CNTNAP2: variants seen among roughly 807,000 people sequenced by gnomAD.
CNTNAP2 encodes contactin-associated protein-like 2.
A neutral mutation model predicts 155.2 loss-of-function variants in CNTNAP2; 98 were observed. The observed-to-expected ratio is 0.63, with a 90% CI of 0.54 to 0.75. The LOEUF (loss-of-function observed/expected upper bound fraction) is 0.75. Ranked by LOEUF, CNTNAP2 falls within the 30% of genes least tolerant of loss-of-function variation. The pLI, the probability that CNTNAP2 is intolerant of heterozygous loss-of-function variation, is 0.00. For synonymous variants in CNTNAP2, 651 were observed against 631.2 expected (o/e 1.03, Z -0.47); for missense variants, 1,727 against 1,688.1 (o/e 1.02, Z -0.40).
At chr7:146,489,503 T>A (rs1223642497) in intron 1 of CNTNAP2, among the ~76,000 whole-genome samples, 1 of 152,172 alleles carries the variant, frequency 6.6e-6, no homozygotes, top group African/African-American at 2.4e-5. Context: ...TGTGTAACAC[T>A]GATGCAGGAG....
At chr7:146,369,050 T>TATATATATATATATATAC (rs1286983889) in intron 1 of CNTNAP2, among the ~76,000 whole-genome samples, 4 of 139,188 alleles carry the variant, frequency 2.9e-5, no homozygotes, top group African/African-American at 5.4e-5. Flanking sequence ...TATATATATA[T>TATATATATATATATATAC]ACATATATAT....
At chr7:147,659,381 A>C (rs1303160001) in intron 13 of CNTNAP2, among the ~76,000 whole-genome samples, 6 of 152,224 alleles carry the variant, frequency 3.9e-5, no homozygotes, top group Admixed American at 3.3e-4. Flanking sequence ...TTTGAAATTG[A>C]CTGTGAAGAT....
chr7:146,891,012 A>G (rs1795763744), intron 3 of CNTNAP2, among the ~76,000 whole-genome samples: 1 of 152,216 alleles, frequency 6.6e-6, no homozygotes, highest in Admixed American at 6.5e-5. Context: ...GGTGGATTGG[A>G]TAATGAAAAT....
At chr7:147,842,682 G>A (rs558216583) in intron 13 of CNTNAP2, among the ~76,000 whole-genome samples, 18 of 98,074 alleles carry the variant, frequency 1.8e-4, no homozygotes, top group African/African-American at 6.0e-4. Context: ...ATGCTGGTGC[G>A]CTGCACCCAC....
intron 12 of CNTNAP2, among the ~76,000 whole-genome samples, chr7:147,632,058 G>A (rs1321663784): frequency 2.6e-5 from 4 of 152,160 alleles, no homozygotes; most frequent in Non-Finnish European, 5.9e-5. Context: ...CACAGTGGGA[G>A]AAAATCTTTG....
At position 146,352,750 on chromosome 7, in the gene CNTNAP2, G is replaced by GTTTTTTTTTTT. The variant is rs531124445; in HGVS notation, c.97+235788_97+235798dup. ...TTATAATTTCAATTAGCATAATTCTGTTTTTTTTTTTTTTTTTTTTTCGAG... is the reference window on the plus strand; with the variant it reads ...TTATAATTTCAATTAGCATAATTCTGTTTTTTTTTTTTTTTTTTTTTTTTTTTTTTTTCGAG... On this transcript the variant is annotated intron_variant, in intron 1 of 23. Coordinates refer to ENST00000361727, the MANE Select transcript of CNTNAP2 (RefSeq NM_014141.6). Among the ~76,000 whole-genome samples the GTTTTTTTTTTT allele has an allele frequency of 7.2e-3, 462 of 64,300 alleles. 141 individuals are homozygous for GTTTTTTTTTTT. Among genetic ancestry groups the GTTTTTTTTTTT allele is most frequent in the African/African-American group, 0.028 (429 of 15,560 alleles). 42.2% of individuals were successfully genotyped at this position (64,300 alleles called of 152,430 possible).
intron 1 of CNTNAP2, among the ~76,000 whole-genome samples, chr7:146,137,277 A>G (rs1797811231): frequency 6.6e-6 from 1 of 152,148 alleles, no homozygotes; most frequent in South Asian, 2.1e-4. Flanking sequence ...TCAATGTCGA[A>G]GTTGTTCTGA....
intron 1 of CNTNAP2, among the ~76,000 whole-genome samples, chr7:146,768,475 C>T (rs1802237038): frequency 6.6e-6 from 1 of 151,658 alleles, no homozygotes. Context: ...AAATGGACAT[C>T]AGGGGGTAGA....
chr7:146,514,729 T>C (rs540641326), intron 1 of CNTNAP2, among the ~76,000 whole-genome samples: 1 of 152,214 alleles, frequency 6.6e-6, no homozygotes, highest in Admixed American at 6.6e-5. Flanking sequence ...TTTCTTTCTT[T>C]GTACATTTGA....
chr7:147,299,500 TATC>T (rs1420446447), intron 8 of CNTNAP2, among the ~76,000 whole-genome samples: 2 of 151,964 alleles, frequency 1.3e-5, no homozygotes, highest in Non-Finnish European at 2.9e-5. Context: ...CAGATAATCC[TATC>T]ATTATTTTCC....
intron 22 of CNTNAP2, among the ~76,000 whole-genome samples, chr7:148,385,053 C>T (rs989853710): frequency 6.6e-6 from 1 of 152,208 alleles, no homozygotes; most frequent in African/African-American, 2.4e-5. Context: ...CTCTAAACCT[C>T]GTGCATTTGA....
chr7:148,145,876 T>A (rs751851085), intron 16 of CNTNAP2, among the ~76,000 whole-genome samples: 2 of 152,210 alleles, frequency 1.3e-5, no homozygotes, highest in Non-Finnish European at 2.9e-5. Context: ...TTTTCTGAAG[T>A]GTGTGTCCAA....
chr7:146,937,169 C>T (rs1273360130), intron 3 of CNTNAP2, among the ~76,000 whole-genome samples: 5 of 151,694 alleles, frequency 3.3e-5, no homozygotes, highest in African/African-American at 9.7e-5. Flanking sequence ...AGGCGGATCA[C>T]GAGGTCAGGA....
chr7:147,080,186 T>C lies in CNTNAP2; in HGVS notation c.551-27961T>C, dbSNP rs976679634. On this transcript the variant is annotated intron_variant, in intron 4 of 23. Transcript: ENST00000361727. ...AAACTTGATCCTTTGGATTTGTGCA[T>C]ATTCTAAAGATCACCCTGTCACCAT... is the stretch of plus-strand genomic sequence containing the variant. 2.0e-5 allele frequency among the ~76,000 whole-genome samples: 3 copies of C among 152,276 alleles called. No homozygotes were observed. In the East Asian group the frequency reaches 5.8e-4, roughly 29 times the overall value.
At chr7:146,566,290 G>A (rs1372722575) in intron 1 of CNTNAP2, among the ~76,000 whole-genome samples, 1 of 152,186 alleles carries the variant, frequency 6.6e-6, no homozygotes, top group Non-Finnish European at 1.5e-5. Context: ...TTTTAATGAA[G>A]ATTTATCTTT....
chr7:146,240,982 A>G (rs1488935993), intron 1 of CNTNAP2, among the ~76,000 whole-genome samples: 1 of 152,208 alleles, frequency 6.6e-6, no homozygotes, highest in African/African-American at 2.4e-5. Flanking sequence ...GAGCTTGAAC[A>G]TCACATGGAA....
chr7:148,238,995 G>A (rs958675153), intron 20 of CNTNAP2, among the ~76,000 whole-genome samples: 13 of 152,104 alleles, frequency 8.5e-5, no homozygotes, highest in African/African-American at 2.7e-4. Context: ...AATTTTTTAG[G>A]GATGTCAGAA....
At chr7:147,745,607 G>T (rs1797026079) in intron 13 of CNTNAP2, among the ~76,000 whole-genome samples, 1 of 152,136 alleles carries the variant, frequency 6.6e-6, no homozygotes, top group South Asian at 2.1e-4. Context: ...TTTTCATTCA[G>T]TTCTTAATTT....
At chr7:146,691,669 T>A (rs1244613913) in intron 1 of CNTNAP2, among the ~76,000 whole-genome samples, 1 of 152,148 alleles carries the variant, frequency 6.6e-6, no homozygotes, top group Non-Finnish European at 1.5e-5. Context: ...GGATTCTTTA[T>A]GTGTTTCCAA....
Sources: gnomAD v4.1 joint callset for allele counts (sites outside exome capture counted in the v4.1 genomes callset) on GRCh38, gnomAD v4.1.1 for gene constraint, MANE v1.5 for transcripts, NCBI Gene and HGNC (gene_info 2026-07-23, HGNC 2026-07-21) for gene names.